YES1: variants seen among roughly 807,000 people sequenced by gnomAD.
The protein encoded by YES1 is YES proto-oncogene 1, Src family tyrosine kinase.
A neutral mutation model predicts 70.4 loss-of-function variants in YES1; 39 were observed. The ratio of observed to expected loss-of-function variants is 0.55; its 90% CI spans 0.43 to 0.72. The LOEUF is 0.72. Ranked by LOEUF, YES1 falls within the 30% of genes least tolerant of loss-of-function variation. The pLI is 0.00. For missense variants in YES1, 495 were observed against 644.8 expected (o/e 0.77, Z 2.52); for synonymous variants, 198 against 218.6 (o/e 0.91, Z 0.83).
At chr18:772,046 G>A (rs1048255168) in intron 1 of YES1, among the ~76,000 whole-genome samples, 1 of 149,256 alleles carries the variant, frequency 6.7e-6, no homozygotes, top group Non-Finnish European at 1.5e-5. Context: ...TTTTTTTTTT[G>A]ACATGGAATT....
At chr18:732,697 G>A in intron 11 of YES1, 137 bp downstream of exon 11, 1 of 1,152,032 alleles carries the variant, frequency 8.7e-7, no homozygotes, top group South Asian at 1.4e-5. Context: ...ACAGTAAAGG[G>A]AAGGAGTGGG....
intron 1 of YES1, among the ~76,000 whole-genome samples, chr18:804,439 T>A (rs746152853): frequency 6.6e-6 from 1 of 151,108 alleles, no homozygotes; most frequent in Non-Finnish European, 1.5e-5. Flanking sequence ...GAAACCCCCA[T>A]CTCTACTAAA....
rs1349152196 is a variant in YES1 at position 745,449 on chromosome 18, G to A, written c.724+259C>T. 3.3e-5 allele frequency among the ~76,000 whole-genome samples: 5 copies of A among 152,154 alleles called. No individual in the cohort carries two copies. In the East Asian group the frequency reaches 9.6e-4, roughly 29 times the overall value. ...TTTATTTTCATAAGGTACATGTGGT[G>A]AAATGAACTCCAATGTAAATACTAT... On this transcript the variant is annotated intron_variant, in intron 6 of 11. Transcript: ENST00000314574.
At chr18:751,949 C>T (rs1335455111) in intron 2 of YES1, 145 bp from the exon 3 acceptor site, 1 of 632,358 alleles carries the variant, frequency 1.6e-6, no homozygotes, top group African/African-American at 1.9e-5. Flanking sequence ...GTTGGAACTA[C>T]TGAAGAATTT....
intron 6 of YES1, 117 bp from the exon 7 acceptor site, chr18:743,532 T>A: frequency 1.2e-6 from 1 of 829,650 alleles, no homozygotes; most frequent in Admixed American, 3.3e-5. Flanking sequence ...CTTTCGAGTT[T>A]TACTCTAAAA....
rs550255522 is a variant in YES1 at position 777,720 on chromosome 18, T to C, written c.-8-20885A>G. Among the ~76,000 whole-genome samples, 6 of 151,594 alleles carry C rather than the reference T, an allele frequency of 4.0e-5. No homozygotes were observed. The East Asian group carries it at 7.8e-4, about 20-fold the overall frequency. On this transcript the variant is annotated intron_variant, in intron 1 of 11. Transcript: ENST00000314574. ...TACTTGGGAGGCTGAGGCAGGAGCA[T>C]TGCTCTAACCCAGGAGGCGGAGGTT...
chr18:735,968 C>A, intron 10 of YES1: 2 of 152,520 alleles, frequency 1.3e-5, no homozygotes, highest in South Asian at 4.1e-4. Flanking sequence ...CCCAGAAGTT[C>A]GAGACCAGCT....
At chr18:750,882 A>G (rs975434992) in intron 3 of YES1, among the ~76,000 whole-genome samples, 5 of 152,234 alleles carry the variant, frequency 3.3e-5, no homozygotes, top group Non-Finnish European at 5.9e-5. Flanking sequence ...GCATGAGAGT[A>G]TAAGAAACTC....
chr18:776,809 T>C (rs1905408579), intron 1 of YES1, among the ~76,000 whole-genome samples: 2 of 152,178 alleles, frequency 1.3e-5, no homozygotes, highest in South Asian at 4.1e-4. Flanking sequence ...ACAATCTTTA[T>C]AAAGTAGAAC....
intron 10 of YES1, 93 bp from the exon 11 acceptor site, chr18:733,058 CT>C: frequency 4.9e-6 from 6 of 1,236,102 alleles, no homozygotes; most frequent in Non-Finnish European, 7.0e-6. Flanking sequence ...GTCAATATCT[CT>C]ACTGTAGTCA....
intron 1 of YES1, among the ~76,000 whole-genome samples, chr18:779,908 CT>C (rs1204936148): frequency 2.5e-3 from 358 of 142,446 alleles, no homozygotes; most frequent in Middle Eastern, 7.3e-3. Flanking sequence ...GTATGTAGTC[CT>C]TTTTTTTTTT....
chr18:734,428 A>T (rs992406296), intron 10 of YES1, among the ~76,000 whole-genome samples: 1 of 148,704 alleles, frequency 6.7e-6, no homozygotes, highest in Non-Finnish European at 1.5e-5. Context: ...GCTTGGTGGC[A>T]GGCACCTGTA....
intron 1 of YES1, among the ~76,000 whole-genome samples, chr18:801,464 T>C (rs745674133): frequency 2.0e-5 from 3 of 152,236 alleles, no homozygotes; most frequent in Non-Finnish European, 4.4e-5. Context: ...AAGATGTATG[T>C]AGGAAACTGC....
At chr18:803,749 T>A (rs1481585787) in intron 1 of YES1, among the ~76,000 whole-genome samples, 1 of 152,202 alleles carries the variant, frequency 6.6e-6, no homozygotes, top group African/African-American at 2.4e-5. Flanking sequence ...GGCTACAGGT[T>A]CACCCACCTC....
intron 1 of YES1, among the ~76,000 whole-genome samples, chr18:789,901 T>C (rs964464243): frequency 6.6e-6 from 1 of 150,826 alleles, no homozygotes; most frequent in Admixed American, 6.6e-5. Flanking sequence ...CTCTATTAAA[T>C]ACAAAAAATT....
chr18:726,126 T>C (rs1276457650), intron 11 of YES1, among the ~76,000 whole-genome samples: 1 of 152,138 alleles, frequency 6.6e-6, no homozygotes, highest in Non-Finnish European at 1.5e-5. Flanking sequence ...TAAGCTTTCA[T>C]TCAAAACTTC....
chr18:784,668 CA>C (rs2145804027), intron 1 of YES1, among the ~76,000 whole-genome samples: 1 of 152,340 alleles, frequency 6.6e-6, no homozygotes, highest in African/African-American at 2.4e-5. Flanking sequence ...CCTTGGCTCA[CA>C]GACTCCTTCC....
At chr18:791,727 A>T (rs1906259326) in intron 1 of YES1, among the ~76,000 whole-genome samples, 1 of 152,188 alleles carries the variant, frequency 6.6e-6, no homozygotes, top group African/African-American at 2.4e-5. Context: ...TTAATAGTTG[A>T]ATTATTCTAC....
At chr18:748,167 A>T in intron 3 of YES1, 149 bp from the exon 4 acceptor site, 1 of 624,620 alleles carries the variant, frequency 1.6e-6, no homozygotes, top group Non-Finnish European at 2.8e-6. Flanking sequence ...AAACTCAAAG[A>T]ATGATATTAA....
Sources: allele counts gnomAD v4.1 joint callset (sites outside exome capture counted in the v4.1 genomes callset), GRCh38; gene constraint gnomAD v4.1.1; transcripts MANE v1.5; gene names NCBI Gene and HGNC (gene_info 2026-07-23, HGNC 2026-07-21).